The following CARNS1 variants were observed in gnomAD, a reference collection of about 807,000 sequenced individuals.
The protein encoded by CARNS1 is carnosine synthase 1, also known as ATP-grasp domain containing 1.
A neutral mutation model predicts 74.0 loss-of-function variants in CARNS1; 61 were observed. That is an observed-to-expected ratio of 0.82 (90% confidence interval 0.67 to 1.02). CARNS1 has a LOEUF of 1.02. CARNS1 is among the 50% of genes least tolerant of loss of function. The pLI, the probability that CARNS1 is intolerant of heterozygous loss-of-function variation, is 0.00. For synonymous variants in CARNS1, 568 were observed against 605.5 expected, an observed-to-expected ratio of 0.94 and a Z score of 0.91; for missense variants, 1,278 against 1,308.4, an observed-to-expected ratio of 0.98 and a Z score of 0.36.
intron 1 of CARNS1, among the ~76,000 whole-genome samples, 164 bp downstream of exon 1, chr11:67,415,927 A>T (rs1253008228): frequency 3.4e-5 from 5 of 149,038 alleles, no homozygotes; most frequent in Non-Finnish European, 7.4e-5. Flanking sequence ...CCCGCGCTGG[A>T]GGGGCAGAGC....
chr11:67,424,525 T>G lies in CARNS1; in HGVS notation c.2777T>G (p.Leu926Arg). 1 of 1,599,042 alleles carries G rather than the reference T, an allele frequency of 6.3e-7. No homozygotes were observed. The highest frequency in any genetic ancestry group is 8.5e-7 in the Non-Finnish European group (1 of 1,174,496). Residue 926 changes from leucine (L) to arginine (R), a missense_variant, in exon 10 of 10, where the codon CTG (leucine) becomes CGG (arginine). Leu to Arg is a moderately radical substitution (Grantham distance 102, BLOSUM62 -2). This residue lies in a region of CARNS1 where 1,164 missense variants were observed against 1,156.5 expected (regional missense o/e 1.01). Coordinates refer to ENST00000687366, the MANE Select transcript of CARNS1 (RefSeq NM_001166222.2). Reference protein sequence around the residue: ...GPSPTEARLRLLGLCQGLGID... With the variant: ...GPSPTEARLRRLGLCQGLGID... ...AGCCCCACCGAGGCCCGTCTCCGCC[T>G]GCTGGGCCTCTGCCAGGGCCTGGGC...
chr11:67,420,881 C>T, intron 8 of CARNS1, 41 bp downstream of exon 8: 2 of 1,305,366 alleles, frequency 1.5e-6, no homozygotes, highest in East Asian at 3.3e-5. Flanking sequence ...GAGCCGAGGG[C>T]CAGGGGCTGG....
At chr11:67,420,244 T>A (rs764194154) in intron 7 of CARNS1, among the ~76,000 whole-genome samples, 5 of 152,100 alleles carry the variant, frequency 3.3e-5, no homozygotes, top group Non-Finnish European at 5.9e-5. Context: ...CGCTCTAGGC[T>A]ACACTGAGAG....
In CARNS1 at chr11:67,419,033, G is replaced by C. The variant is rs773293203; in HGVS notation, c.642G>C (p.Leu214=). ...TGGCCCGGCTGCTGGAGGACCGGCT[G>C]CTGACAAGGCAGTTGCTGGCCCAGC... The part of the protein sequence containing the change: ...AELARLLEDR[L]LTRQLLAQQG... Residue 214 remains leucine (L), a synonymous_variant, in exon 5 of 10, where the codon CTG becomes CTC. Coordinates refer to ENST00000687366, the MANE Select transcript of CARNS1 (RefSeq NM_001166222.2). The C allele has an allele frequency of 6.4e-7, 1 of 1,557,490 alleles. No individual in the cohort carries two copies. Among genetic ancestry groups the C allele is most frequent in the South Asian group, 1.2e-5 (1 of 84,572 alleles).
intron 9 of CARNS1, among the ~76,000 whole-genome samples, chr11:67,422,316 T>C (rs1863731518): frequency 6.7e-6 from 1 of 150,108 alleles, no homozygotes; most frequent in South Asian, 2.1e-4. Flanking sequence ...CCGGAGTAAC[T>C]AGGATTACAG....
Position 67,420,936 on chromosome 11 carries a change from C to T in CARNS1, c.1346-3C>T, listed in dbSNP as rs1018165371. 4.3e-6 allele frequency: 6 copies of T among 1,403,596 alleles called. No individual in the cohort carries two copies. The highest frequency in any genetic ancestry group is 5.5e-6 in the Non-Finnish European group (6 of 1,081,326). 86.9% of individuals were successfully genotyped at this position (1,403,596 alleles called of 1,614,324 possible). A position where few individuals can be genotyped will look rare whatever the true frequency, so the allele number is the denominator to read the frequency against. On this transcript the variant is annotated splice_region_variant and splice_polypyrimidine_tract_variant and intron_variant, in intron 8 of 9. Coordinates refer to ENST00000687366, the MANE Select transcript of CARNS1 (RefSeq NM_001166222.2). ...CTGAGCTCGCGCCTCCCGCCCGGCG[C>T]AGGCGTGGATTTCGCGCTGACAGCG...
In CARNS1 at chr11:67,419,506, G is replaced by A. The variant is rs762270521; in HGVS notation, c.872G>A (p.Gly291Asp). ...DILQVAVKLSGWRWRGRQAWR... is the reference protein window; with the variant it reads ...DILQVAVKLSDWRWRGRQAWR... ...CTGCAGGTAGCTGTGAAGCTCAGTG[G>A]CTGGCGCTGGCGGGGGCGGCAGGCA... Residue 291 changes from glycine (G) to aspartate (D), a missense_variant, in exon 6 of 10, where the codon GGC (glycine) becomes GAC (aspartate). This residue lies in a region of CARNS1 where 1,164 missense variants were observed against 1,156.5 expected (regional missense o/e 1.01). Transcript: ENST00000687366. 3 of 1,611,700 alleles carry A rather than the reference G, an allele frequency of 1.9e-6. No individual in the cohort carries two copies. Among genetic ancestry groups the A allele is most frequent in the East Asian group, 2.2e-5 (1 of 44,872 alleles).
intron 7 of CARNS1, among the ~76,000 whole-genome samples, chr11:67,420,201 GT>G (rs1213524286): frequency 6.6e-6 from 1 of 152,186 alleles, no homozygotes; most frequent in Non-Finnish European, 1.5e-5. Flanking sequence ...AAGCTGGAGA[GT>G]CAGGAAGGCT....
Position 67,423,672 on chromosome 11 carries a change from T to C in CARNS1, c.1924T>C (p.Trp642Arg), listed in dbSNP as rs1447579305. 2.5e-6 allele frequency: 4 copies of C among 1,599,282 alleles called. No homozygotes were observed. The Admixed American group carries it at 5.1e-5, about 20-fold the overall frequency. ...LHLLHHHGPP[W>R]PAPSLHAVPC... The stretch of plus-strand genomic sequence containing the variant: ...CCTGTTGCACCACCATGGCCCACCC[T>C]GGCCTGCGCCCTCCCTCCATGCTGT... Residue 642 changes from tryptophan (W) to arginine (R), a missense_variant, in exon 10 of 10, where the codon TGG (tryptophan) becomes CGG (arginine). Around this residue, in one of 3 missense-constraint regions of CARNS1, gnomAD observed 1,164 missense variants for 1,156.5 expected, o/e 1.01. Coordinates refer to ENST00000687366, the MANE Select transcript of CARNS1 (RefSeq NM_001166222.2). The surrounding 1 kb of genome is among the most constrained non-coding windows in gnomAD (Gnocchi z 5.1).
At chr11:67,421,503 G>C (rs1863706140) in intron 9 of CARNS1, among the ~76,000 whole-genome samples, 1 of 152,302 alleles carries the variant, frequency 6.6e-6, no homozygotes, top group African/African-American at 2.4e-5. Flanking sequence ...CGGGTAGATG[G>C]GCTGGGCGAG....
rs775201254 is a variant in CARNS1 at position 67,419,734 on chromosome 11, C to T, written c.1028-19C>T. On this transcript the variant is annotated intron_variant, in intron 6 of 9. Transcript: ENST00000687366. ...CTGGCCACTCTGTGCTGGCCTTAGA[C>T]CTCCCCGTCTTCCCCCAGATGGTCC... 2 of 1,598,404 alleles carry T rather than the reference C, an allele frequency of 1.3e-6. No homozygotes were observed. Among genetic ancestry groups the T allele is most frequent in the Non-Finnish European group, 1.7e-6 (2 of 1,173,144 alleles).
Position 67,423,293 on chromosome 11 carries a change from G to A in CARNS1, c.1627-82G>A. 7.0e-7 allele frequency: 1 copy of A among 1,418,826 alleles called. No individual in the cohort carries two copies. The highest frequency in any genetic ancestry group is 2.3e-5 in the East Asian group (1 of 43,472). The allele number at this position is 1,418,826 out of a possible 1,614,324, so 87.9% of individuals were successfully genotyped here. A position where few individuals can be genotyped will look rare whatever the true frequency, so the allele number is the denominator to read the frequency against. ...TGTTTGTGTACTCGTATCCCCTGAA[G>A]GGGCCATCCTAGGCCCCATCCTATC... On this transcript the variant is annotated intron_variant, in intron 9 of 9. Coordinates refer to ENST00000687366, the MANE Select transcript of CARNS1 (RefSeq NM_001166222.2). This position sits in a 1 kb window ranked among gnomAD's most constrained non-coding sequence, Gnocchi z 5.1.
chr11:67,424,434 C>G lies in CARNS1; in HGVS notation c.2686C>G (p.Leu896Val). The G allele has an allele frequency of 6.3e-7, 1 of 1,588,812 alleles. No individual in the cohort carries two copies. Among genetic ancestry groups the G allele is most frequent in the African/African-American group, 1.3e-5 (1 of 74,500 alleles). ...CCGTGGACTGCTACGCCTCAATCTG[C>G]TGGAGGAGGCCCTGGTGCCTGGCGA... ...HDRGLLRLNL[L>V]EEALVPGEYE... The change falls in exon 10 of 10, where the codon CTG becomes GTG. Residue 896 changes from leucine to valine, a missense_variant. Coordinates refer to ENST00000687366, the MANE Select transcript of CARNS1 (RefSeq NM_001166222.2).
In CARNS1 at chr11:67,423,028, G is replaced by C. The variant is rs1481713131; in HGVS notation, c.1627-347G>C. On this transcript the variant is annotated intron_variant, in intron 9 of 9. Transcript: ENST00000687366. This position sits in a 1 kb window ranked among gnomAD's most constrained non-coding sequence, Gnocchi z 5.1. ...TCTGCAATCCCCGGCCAGTGAGGCT[G>C]CCTGTGGGAAAGAGTCCACCACGCT... Among the ~76,000 whole-genome samples, 1 of 152,210 alleles carries C rather than the reference G, an allele frequency of 6.6e-6. No homozygotes were observed. The highest frequency in any genetic ancestry group is 1.9e-4 in the East Asian group (1 of 5,200).
At position 67,424,861 on chromosome 11, in the gene CARNS1, C is replaced by CCACACACACACACACACA. The variant is rs59798232; in HGVS notation, c.*274_*291dup. The CCACACACACACACACACA allele has an allele frequency of 3.1e-3, 1,571 of 508,664 alleles. 9 individuals carry two copies. Among genetic ancestry groups the CCACACACACACACACACA allele is most frequent in the East Asian group, 0.015 (356 of 24,188 alleles). The allele number at this position is 508,664 out of a possible 1,614,324, so 31.5% of individuals were successfully genotyped here. On this transcript the variant is annotated 3_prime_UTR_variant, in exon 10 of 10. Transcript: ENST00000687366. ...TCTAGCCTTGGAGAAATGACAATGGCCACACACACACACACACACACACAC... is the reference window on the plus strand; with the variant it reads ...TCTAGCCTTGGAGAAATGACAATGGCCACACACACACACACACACACACACACACACACACACACACAC...
Position 67,418,814 on chromosome 11 carries a change from G to T in CARNS1, c.423G>T (p.Gln141His). The change falls in exon 5 of 10, where the codon CAG becomes CAT. Residue 141 changes from glutamine (Q) to histidine (H), a missense_variant. By Grantham distance (24) the Gln-to-His change is conservative. Coordinates refer to ENST00000687366, the MANE Select transcript of CARNS1 (RefSeq NM_001166222.2). ...TGATGAAGGTGCCAGCACCCGGGCAGCCGGGTGAGGCAGCCCTGCTAGTCT... is the reference window on the plus strand; with the variant it reads ...TGATGAAGGTGCCAGCACCCGGGCATCCGGGTGAGGCAGCCCTGCTAGTCT... ...AWLMKVPAPG[Q>H]PGEAALLVSK... 1 of 1,600,282 alleles carries T rather than the reference G, an allele frequency of 6.2e-7. No individual in the cohort carries two copies.
Position 67,420,930 on chromosome 11 carries a change from C to T in CARNS1, c.1346-9C>T. ...CCGTAGCTGAGCTCGCGCCTCCCGCCCGGCGCAGGCGTGGATTTCGCGCTG... is the reference window on the plus strand; with the variant it reads ...CCGTAGCTGAGCTCGCGCCTCCCGCTCGGCGCAGGCGTGGATTTCGCGCTG... On this transcript the variant is annotated splice_polypyrimidine_tract_variant and intron_variant, in intron 8 of 9. Transcript: ENST00000687366. The T allele has an allele frequency of 7.2e-7, 1 of 1,379,880 alleles. No individual in the cohort carries two copies. The highest frequency in any genetic ancestry group is 9.4e-7 in the Non-Finnish European group (1 of 1,068,916). 85.5% of individuals were successfully genotyped at this position (1,379,880 alleles called of 1,614,324 possible).
At chr11:67,416,243 C>G (rs1863542551) in intron 2 of CARNS1, 41 bp downstream of exon 2, 1 of 1,536,858 alleles carries the variant, frequency 6.5e-7, no homozygotes, top group Non-Finnish European at 8.7e-7. Context: ...GCCCAAGTCC[C>G]TGGGCAGAGA....
rs375632692 is a variant in CARNS1 at position 67,423,499 on chromosome 11, G to C, written c.1751G>C (p.Arg584Pro). The change falls in exon 10 of 10, where the codon CGG becomes CCG. Residue 584 changes from arginine to proline, a missense_variant. Transcript: ENST00000687366. This position sits in a 1 kb window ranked among gnomAD's most constrained non-coding sequence, Gnocchi z 5.1. ...ENARLLAELV[R>P]ARGLKLDGCF... ...GCACGGCTGCTGGCAGAGTTGGTGC[G>C]GGCTCGCGGCCTCAAGCTAGATGGC... 1.2e-6 allele frequency: 2 copies of C among 1,613,832 alleles called. No homozygotes were observed. The highest frequency in any genetic ancestry group is 1.3e-5 in the African/African-American group (1 of 74,928).
Sources: allele counts gnomAD v4.1 joint callset (sites outside exome capture counted in the v4.1 genomes callset), GRCh38; gene constraint gnomAD v4.1.1; regional missense constraint gnomAD v4.1.1; non-coding constraint Gnocchi (gnomAD v3.1); transcripts MANE v1.5; gene names NCBI Gene and HGNC (gene_info 2026-07-23, HGNC 2026-07-21).